CUX1: variants seen among roughly 807,000 people sequenced by gnomAD.
CUX1 encodes the protein protein CASP.
CUX1 carries 31 observed loss-of-function variants against 158.8 expected under a neutral mutation model. The ratio of observed to expected loss-of-function variants is 0.20; its 90% confidence interval spans 0.15 to 0.26. The LOEUF (loss-of-function observed/expected upper bound fraction) is 0.26. Among genes scored for constraint, CUX1 ranks in the 10% least tolerant of loss-of-function variants. The pLI is 1.00. For synonymous variants in CUX1, 879 were observed against 862.1 expected (o/e 1.02, Z -0.34); for missense variants, 1,589 against 2,014.6 (o/e 0.79, Z 4.04).
At chr7:101,964,977 G>A (rs1180568153) in intron 2 of CUX1, among the ~76,000 whole-genome samples, 1 of 152,184 alleles carries the variant, frequency 6.6e-6, no homozygotes, top group East Asian at 1.9e-4. Flanking sequence ...GTGTGTGAGC[G>A]AGTGAATGAG....
intron 21 of CUX1, among the ~76,000 whole-genome samples, chr7:102,227,918 C>T (rs1410492105): frequency 6.7e-5 from 10 of 149,974 alleles, no homozygotes; most frequent in Admixed American, 3.3e-4. Flanking sequence ...AGAGTGGACT[C>T]GGGAGGATCC....
Position 102,112,232 on chromosome 7 carries a change from TTCTC to T in CUX1, c.607+466_607+469del, listed in dbSNP as rs201869361. Among the ~76,000 whole-genome samples, 24 of 146,078 alleles carry T rather than the reference TTCTC, an allele frequency of 1.6e-4. No individual in the cohort carries two copies. In the South Asian group the frequency reaches 3.2e-3, roughly 19 times the overall value. On this transcript the variant is annotated intron_variant, in intron 7 of 23. Coordinates refer to ENST00000292535, the MANE Select transcript of CUX1 (RefSeq NM_181552.4). Reference sequence around the variant, plus strand: ...GTTTTTACAGTATCTTTAAACTTCTTTCTCTCTCTCTTTTTTTTTTTTTTTTTGA... The same window carrying T: ...GTTTTTACAGTATCTTTAAACTTCTTTCTCTCTTTTTTTTTTTTTTTTTGA...
At chr7:102,077,405 G>T (rs182988085) in intron 4 of CUX1, among the ~76,000 whole-genome samples, 46 of 151,876 alleles carry the variant, frequency 3.0e-4, no homozygotes, top group Admixed American at 3.0e-3. Flanking sequence ...TAATGACTCT[G>T]GGGATCGGGC....
intron 1 of CUX1, among the ~76,000 whole-genome samples, chr7:101,852,482 G>A (rs1395253892): frequency 4.0e-5 from 6 of 151,806 alleles, no homozygotes; most frequent in African/African-American, 9.7e-5. Context: ...GCTGGGCATC[G>A]TGGCACACAC....
At position 102,281,934 on chromosome 7, in the gene CUX1, C is replaced by T. The variant is rs377634809; in HGVS notation, c.1902+14C>T. ...CTGGTCTTCCTGGTGAGTGTGCACA[C>T]GGGCGGGCCAGAGGCACATTCACCA... On this transcript the variant is annotated intron_variant, in intron 21 of 22. Transcript: ENST00000292538. 7.1e-5 allele frequency: 113 copies of T among 1,584,414 alleles called. No homozygotes were observed. In the South Asian group the frequency reaches 7.4e-4, roughly 10 times the overall value.
chr7:101,840,023 A>G (rs913109163), intron 1 of CUX1, among the ~76,000 whole-genome samples: 6 of 152,198 alleles, frequency 3.9e-5, no homozygotes, highest in Non-Finnish European at 8.8e-5. Flanking sequence ...CGGCCTCTCA[A>G]AGTGCTGGGA....
intron 9 of CUX1, among the ~76,000 whole-genome samples, chr7:102,160,485 G>A (rs139346727): frequency 2.6e-4 from 39 of 152,240 alleles, no homozygotes; most frequent in African/African-American, 7.9e-4. Flanking sequence ...AAAGCCACTC[G>A]GTGGACCCCA....
At chr7:101,882,126 A>G (rs921579008) in intron 1 of CUX1, among the ~76,000 whole-genome samples, 7 of 152,146 alleles carry the variant, frequency 4.6e-5, no homozygotes, top group African/African-American at 1.2e-4. Flanking sequence ...GGGAGCTTGC[A>G]GTGAGCCATG....
At chr7:102,073,744 T>A (rs1422604562) in intron 4 of CUX1, among the ~76,000 whole-genome samples, 1 of 152,324 alleles carries the variant, frequency 6.6e-6, no homozygotes, top group East Asian at 1.9e-4. Flanking sequence ...ATATTCTGCC[T>A]TTCTCACTTA....
intron 2 of CUX1, among the ~76,000 whole-genome samples, chr7:101,997,200 C>T (rs1356881859): frequency 3.3e-5 from 5 of 151,710 alleles, no homozygotes; most frequent in Admixed American, 6.6e-5. Flanking sequence ...AGGTTCTCCC[C>T]GTCCCCAGAG....
At chr7:101,832,578 G>T (rs1794167932) in intron 1 of CUX1, among the ~76,000 whole-genome samples, 1 of 152,150 alleles carries the variant, frequency 6.6e-6, no homozygotes. Flanking sequence ...GAGTTGGCTT[G>T]GAGTTCCTTT....
At chr7:101,946,721 C>T (rs774375312) in intron 2 of CUX1, among the ~76,000 whole-genome samples, 9 of 152,012 alleles carry the variant, frequency 5.9e-5, no homozygotes, top group Non-Finnish European at 1.2e-4. Context: ...ATGAGTTCCC[C>T]GTGGTCATCA....
chr7:102,065,237 T>G (rs116357839), intron 3 of CUX1, among the ~76,000 whole-genome samples: 496 of 152,112 alleles, frequency 3.3e-3, no homozygotes, highest in African/African-American at 0.011. Context: ...TGTACCACCG[T>G]GCCTGTCTAA....
chr7:102,274,077 C>A, intron 15 of CUX1: 1 of 638,048 alleles, frequency 1.6e-6, no homozygotes, highest in South Asian at 1.7e-5. Flanking sequence ...TTTGGTAGCT[C>A]ATGTCACGTG....
intron 18 of CUX1, among the ~76,000 whole-genome samples, chr7:102,203,124 A>G (rs1255384834): frequency 1.3e-5 from 2 of 151,700 alleles, no homozygotes; most frequent in African/African-American, 4.8e-5. Flanking sequence ...CCACCACCAC[A>G]CCCAGCTAAT....
chr7:101,966,810 T>C (rs1259169670), intron 2 of CUX1, among the ~76,000 whole-genome samples: 2 of 152,046 alleles, frequency 1.3e-5, no homozygotes, highest in African/African-American at 4.8e-5. Context: ...TCTGATCAGG[T>C]GCACAGCCTA....
upstream of CUX1, among the ~76,000 whole-genome samples, chr7:101,816,397 CG>C (rs1791784537): frequency 1.4e-5 from 2 of 143,792 alleles, no homozygotes; most frequent in South Asian, 4.2e-4. Context: ...GGCGCCCCCC[CG>C]GGCCCCGCGC....
At chr7:101,914,458 CCTTCCTTCCTTCCTTCCCTT>C (rs1477210272) in intron 1 of CUX1, among the ~76,000 whole-genome samples, 4 of 140,888 alleles carry the variant, frequency 2.8e-5, no homozygotes, top group South Asian at 4.7e-4. Context: ...GTCCTTCCCT[CCTTCCTTCCTTCCTTCCCTT>C]CTTCCTTCCT....
intron 2 of CUX1, among the ~76,000 whole-genome samples, chr7:101,972,663 G>A (rs546010835): frequency 6.6e-6 from 1 of 152,328 alleles, no homozygotes; most frequent in African/African-American, 2.4e-5. Context: ...GTGTGCTGGA[G>A]TTCAGCCGCC....
Sources: gnomAD v4.1 joint callset for allele counts (sites outside exome capture counted in the v4.1 genomes callset) on GRCh38, gnomAD v4.1.1 for gene constraint, MANE v1.5 for transcripts, NCBI Gene and HGNC (gene_info 2026-07-23, HGNC 2026-07-21) for gene names.